Variants in GOLPH3L observed in about 807,000 individuals in gnomAD.
GOLPH3L encodes golgi phosphoprotein 3 like, also known as Golgi phosphoprotein 3-like.
In GOLPH3L, 22 loss-of-function variants were observed where a neutral mutation model predicts 30.3. The ratio of observed to expected loss-of-function variants is 0.73; its 90% confidence interval spans 0.52 to 1.04. The LOEUF is 1.04. Ranked by LOEUF, GOLPH3L falls within the 50% of genes least tolerant of loss-of-function variation. The pLI, the probability that GOLPH3L is intolerant of heterozygous loss-of-function variation, is 0.00. For synonymous variants in GOLPH3L, 120 were observed against 128.2 expected (o/e 0.94, Z 0.43); for missense variants, 303 against 345.8 (o/e 0.88, Z 0.98).
intron 4 of GOLPH3L, among the ~76,000 whole-genome samples, chr1:150,654,226 G>A (rs947945764): frequency 4.0e-5 from 6 of 151,884 alleles, no homozygotes; most frequent in Admixed American, 6.6e-5. Context: ...TACTAGGGGG[G>A]CTGGGCATGG....
At chr1:150,668,172 A>G (rs1650553049) in intron 2 of GOLPH3L, among the ~76,000 whole-genome samples, 1 of 152,186 alleles carries the variant, frequency 6.6e-6, no homozygotes, top group African/African-American at 2.4e-5. Context: ...AAATTCCTTA[A>G]GGAGAGAATA....
At chr1:150,668,725 T>G (rs1013088250) in intron 2 of GOLPH3L, among the ~76,000 whole-genome samples, 3 of 151,562 alleles carry the variant, frequency 2.0e-5, no homozygotes, top group African/African-American at 7.3e-5. Context: ...GGGGTAGGCT[T>G]TTTTTTTAGG....
At chr1:150,672,689 C>T (rs1650673719) in intron 2 of GOLPH3L, among the ~76,000 whole-genome samples, 1 of 152,128 alleles carries the variant, frequency 6.6e-6, no homozygotes, top group African/African-American at 2.4e-5. Flanking sequence ...CCTCAGCCTC[C>T]CAAAGTGCTG....
chr1:150,696,819 T>C (rs1238977767), intron 1 of GOLPH3L, among the ~76,000 whole-genome samples, 173 bp downstream of exon 1: 1 of 151,944 alleles, frequency 6.6e-6, no homozygotes, highest in Non-Finnish European at 1.5e-5. Context: ...GCGGTTTCTT[T>C]GAGAAATTAG....
intron 2 of GOLPH3L, 28 bp downstream of exon 2, chr1:150,694,628 G>A: frequency 7.1e-7 from 1 of 1,403,276 alleles, no homozygotes; most frequent in Non-Finnish European, 9.8e-7. Flanking sequence ...TAGTCTTTGA[G>A]ATAGCCTAGC....
chr1:150,678,597 T>C (rs989392264), intron 2 of GOLPH3L, among the ~76,000 whole-genome samples: 1 of 152,190 alleles, frequency 6.6e-6, no homozygotes, highest in African/African-American at 2.4e-5. Flanking sequence ...TGATGCTGGT[T>C]ACATGAGAGT....
At chr1:150,660,073 T>A (rs1483495120) in intron 4 of GOLPH3L, among the ~76,000 whole-genome samples, 2 of 151,482 alleles carry the variant, frequency 1.3e-5, no homozygotes, top group East Asian at 3.9e-4. Context: ...AACAAAACAA[T>A]CAAACTTAAA....
rs1199391067 is a variant in GOLPH3L at position 150,647,857 on chromosome 1, A to C, written c.*464T>G. On this transcript the variant is annotated 3_prime_UTR_variant, in exon 5 of 5. Transcript: ENST00000271732. ...TTCTCATTGCTCCTTATTCAGCGAC[A>C]GTTATTTCAATAAGCTACATTATTT... 6.5e-6 allele frequency: 1 copy of C among 153,574 alleles called. No homozygotes were observed. Among genetic ancestry groups the C allele is most frequent in the Admixed American group, 6.5e-5 (1 of 15,336 alleles). The allele number at this position is 153,574 out of a possible 1,614,324, so 9.5% of individuals were successfully genotyped here.
chr1:150,658,145 C>T (rs935662792), intron 4 of GOLPH3L, among the ~76,000 whole-genome samples: 2 of 152,222 alleles, frequency 1.3e-5, no homozygotes, highest in Admixed American at 6.5e-5. Context: ...GAGGACCCCC[C>T]GGTTGCAGCC....
At chr1:150,668,377 T>C (rs1414218426) in intron 2 of GOLPH3L, among the ~76,000 whole-genome samples, 1 of 152,008 alleles carries the variant, frequency 6.6e-6, no homozygotes, top group South Asian at 2.1e-4. Flanking sequence ...GTCATATTTG[T>C]TTTTTTGGTT....
intron 2 of GOLPH3L, among the ~76,000 whole-genome samples, chr1:150,683,714 AAAAAAAAAAAAAAAAAAAAG>A (rs1310952703): frequency 7.8e-5 from 11 of 140,570 alleles, no homozygotes; most frequent in Non-Finnish European, 1.2e-4. Context: ...AAAAAAAAAA[AAAAAAAAAAAAAAAAAAAAG>A]AGAGATACTC....
intron 4 of GOLPH3L, among the ~76,000 whole-genome samples, chr1:150,660,375 A>C (rs1252147102): frequency 6.6e-6 from 1 of 152,188 alleles, no homozygotes; most frequent in Non-Finnish European, 1.5e-5. Context: ...ATGTTTGGTG[A>C]TTTCTCAAAA....
chr1:150,690,509 A>G (rs1651185633), intron 2 of GOLPH3L, among the ~76,000 whole-genome samples: 1 of 152,204 alleles, frequency 6.6e-6, no homozygotes, highest in Non-Finnish European at 1.5e-5. Flanking sequence ...TAATTTGGAC[A>G]CAAAAATGAA....
Position 150,648,749 on chromosome 1 carries a change from C to G in GOLPH3L, c.431-1G>C. ...AATTTGAAGGGGTTCCAGGTCTCAC[C>G]TATGAGAAAAAAGAAATAGGACATA... On this transcript the variant is annotated splice_acceptor_variant, in intron 4 of 4. Coordinates refer to ENST00000271732, the MANE Select transcript of GOLPH3L (RefSeq NM_018178.6). LOFTEE classifies it high-confidence loss of function. 1 of 1,591,588 alleles carries G rather than the reference C, an allele frequency of 6.3e-7. No individual in the cohort carries two copies. The highest frequency in any genetic ancestry group is 8.6e-7 in the Non-Finnish European group (1 of 1,162,428).
chr1:150,679,285 T>C (rs1026123252), intron 2 of GOLPH3L, among the ~76,000 whole-genome samples: 3 of 152,160 alleles, frequency 2.0e-5, no homozygotes, highest in Admixed American at 6.6e-5. Context: ...CTACCCCAAA[T>C]AGCGAAGTAC....
In GOLPH3L at chr1:150,688,415, C is replaced by CCTGTCTCTTTACAGACTAACTCACT. The variant is rs1651140089; in HGVS notation, c.183+6216_183+6240dup. 3.9e-5 allele frequency among the ~76,000 whole-genome samples: 6 copies of CCTGTCTCTTTACAGACTAACTCACT among 152,240 alleles called. No individual in the cohort carries two copies. The South Asian group carries it at 1.2e-3, about 32-fold the overall frequency. Reference sequence around the variant, plus strand: ...CAGTTGATGTTCTTTTTTCCTAGAACCTGTCTCTTTACAGACTAACTCACT... The same window carrying CCTGTCTCTTTACAGACTAACTCACT: ...CAGTTGATGTTCTTTTTTCCTAGAACCTGTCTCTTTACAGACTAACTCACTCTGTCTCTTTACAGACTAACTCACT... On this transcript the variant is annotated intron_variant, in intron 2 of 4. Coordinates refer to ENST00000271732, the MANE Select transcript of GOLPH3L (RefSeq NM_018178.6).
intron 1 of GOLPH3L, among the ~76,000 whole-genome samples, chr1:150,696,768 A>T (rs1651365979): frequency 9.1e-6 from 1 of 110,306 alleles, no homozygotes; most frequent in African/African-American, 3.6e-5. Context: ...AATCCAAGAA[A>T]CTTTAAACCT....
chr1:150,660,871 C>T (rs72700902), intron 4 of GOLPH3L, among the ~76,000 whole-genome samples: 57,359 of 151,978 alleles, frequency 0.38, 11,094 homozygotes, highest in South Asian at 0.54. Flanking sequence ...ATAGAGGTGA[C>T]GGTTACAAAA....
chr1:150,688,251 T>G, intron 2 of GOLPH3L, among the ~76,000 whole-genome samples: 1 of 152,358 alleles, frequency 6.6e-6, no homozygotes, highest in South Asian at 2.1e-4. Flanking sequence ...TTAGAAAACT[T>G]AAACAATAAA....
Sources: allele counts gnomAD v4.1 joint callset (sites outside exome capture counted in the v4.1 genomes callset), GRCh38; gene constraint gnomAD v4.1.1; transcripts MANE v1.5; gene names NCBI Gene and HGNC (gene_info 2026-07-23, HGNC 2026-07-21).